Variants in RHBDD1 observed in about 807,000 individuals in gnomAD.
RHBDD1 encodes rhomboid-related protein 4.
RHBDD1 carries 38 observed loss-of-function variants against 36.3 expected under a neutral mutation model. The observed-to-expected ratio is 1.05, with a 90% confidence interval of 0.81 to 1.37. RHBDD1 has a LOEUF of 1.37. Ranked by LOEUF, RHBDD1 falls within the 40% of genes most tolerant of loss-of-function variation. The pLI is 0.00. For missense variants in RHBDD1, 393 were observed against 377.6 expected, an observed-to-expected ratio of 1.04 and a Z score of -0.34; for synonymous variants, 151 against 136.5, an observed-to-expected ratio of 1.11 and a Z score of -0.74.
At chr2:226,988,288 C>A in intron 8 of RHBDD1, 1 of 1,533,118 alleles carries the variant, frequency 6.5e-7, no homozygotes, top group Non-Finnish European at 8.8e-7. Flanking sequence ...TAAGTCTCTT[C>A]CCCTGTCCTT....
chr2:226,857,850 A>G (rs935775308), intron 3 of RHBDD1, among the ~76,000 whole-genome samples: 1 of 152,254 alleles, frequency 6.6e-6, no homozygotes, highest in Admixed American at 6.5e-5. Context: ...CTAGAATTAG[A>G]TATGCACAAC....
At chr2:226,874,799 C>G (rs1043860664) in intron 5 of RHBDD1, among the ~76,000 whole-genome samples, 2 of 152,146 alleles carry the variant, frequency 1.3e-5, no homozygotes, top group African/African-American at 4.8e-5. Flanking sequence ...ATTATTCAGC[C>G]TACTACAGCA....
At chr2:226,848,355 G>C (rs781701479) in intron 3 of RHBDD1, among the ~76,000 whole-genome samples, 1 of 152,220 alleles carries the variant, frequency 6.6e-6, no homozygotes, top group African/African-American at 2.4e-5. Flanking sequence ...AAGTCACCAG[G>C]TACCTTTCTT....
At chr2:226,992,534 T>G (rs58139334) in intron 8 of RHBDD1, among the ~76,000 whole-genome samples, 5,267 of 152,252 alleles carry the variant, frequency 0.035, 292 homozygotes, top group African/African-American at 0.12. Flanking sequence ...ACCCAAGGTC[T>G]TCTTGGTTCT....
rs925907070 is a variant in RHBDD1 at position 226,995,098 on chromosome 2, TA to T, written c.857-322del. Among the ~76,000 whole-genome samples, 181 of 139,146 alleles carry T rather than the reference TA, an allele frequency of 1.3e-3. 1 individual carries two copies. Among genetic ancestry groups the T allele is most frequent in the East Asian group, 0.011 (54 of 4,868 alleles). The allele number at this position is 139,146 out of a possible 152,430, so 91.3% of individuals were successfully genotyped here. On this transcript the variant is annotated intron_variant, in intron 8 of 8. Transcript: ENST00000392062. ...GGTGGCAACAAGTTATATATGGGCA[TA>T]AAAAAAAAAAGACAATAAGCCCTTG...
the RHBDD1 span, among the ~76,000 whole-genome samples, chr2:226,806,886 C>G: frequency 1.3e-5 from 2 of 152,226 alleles, no homozygotes; most frequent in South Asian, 4.1e-4. Context: ...ATGATCATCT[C>G]TAGATCCTTG....
At chr2:226,856,599 T>A (rs1943349143) in intron 3 of RHBDD1, among the ~76,000 whole-genome samples, 1 of 152,184 alleles carries the variant, frequency 6.6e-6, no homozygotes, top group South Asian at 2.1e-4. Context: ...ATAAGATTCC[T>A]GAGAGAGTTA....
In RHBDD1 at chr2:226,995,580, C is replaced by A; in HGVS notation, c.*58C>A. 1 of 1,134,518 alleles carries A rather than the reference C, an allele frequency of 8.8e-7. No homozygotes were observed. The highest frequency in any genetic ancestry group is 1.3e-6 in the Non-Finnish European group (1 of 759,048). 70.3% of individuals were successfully genotyped at this position (1,134,518 alleles called of 1,614,324 possible). ...GTAATTATTGCCCATTTGGCTCATT[C>A]CCCAAGCCCCTAATTCATTTTAATT... On this transcript the variant is annotated 3_prime_UTR_variant, in exon 9 of 9. Coordinates refer to ENST00000392062, the MANE Select transcript of RHBDD1 (RefSeq NM_001167608.3).
intron 8 of RHBDD1, among the ~76,000 whole-genome samples, chr2:226,930,942 C>G (rs1949995993): frequency 6.6e-6 from 1 of 151,908 alleles, no homozygotes; most frequent in Non-Finnish European, 1.5e-5. Context: ...ATATGAGATA[C>G]TACCTTACCC....
intron 8 of RHBDD1, among the ~76,000 whole-genome samples, chr2:226,916,631 T>A (rs773403388): frequency 2.6e-5 from 4 of 152,194 alleles, no homozygotes; most frequent in Non-Finnish European, 5.9e-5. Flanking sequence ...GATTATTATC[T>A]TCTGTTAAGA....
chr2:226,886,294 C>G (rs779291211), intron 5 of RHBDD1, among the ~76,000 whole-genome samples: 43 of 152,132 alleles, frequency 2.8e-4, no homozygotes, highest in Non-Finnish European at 5.1e-4. Flanking sequence ...ATGAAGCCAG[C>G]GTTTGGGGTG....
At chr2:226,904,264 C>T (rs188618116) in intron 5 of RHBDD1, among the ~76,000 whole-genome samples, 12 of 152,300 alleles carry the variant, frequency 7.9e-5, no homozygotes, top group Admixed American at 7.8e-4. Flanking sequence ...CGCAGATACA[C>T]ACCCCTGGAC....
chr2:226,813,872 G>A, the RHBDD1 span, among the ~76,000 whole-genome samples: 7 of 152,152 alleles, frequency 4.6e-5, no homozygotes, highest in Admixed American at 4.6e-4. Flanking sequence ...CATAGCATAT[G>A]GTGGTGGGGA....
intron 3 of RHBDD1, among the ~76,000 whole-genome samples, chr2:226,856,070 C>T (rs1176993191): frequency 6.6e-6 from 1 of 152,158 alleles, no homozygotes; most frequent in African/African-American, 2.4e-5. Flanking sequence ...AGATTCCACA[C>T]TATACCCCCA....
intron 8 of RHBDD1, among the ~76,000 whole-genome samples, chr2:226,960,709 A>T (rs887829265): frequency 1.3e-5 from 2 of 152,166 alleles, no homozygotes; most frequent in Admixed American, 1.3e-4. Flanking sequence ...ATAAGCTGTA[A>T]TATTGACATC....
intron 5 of RHBDD1, among the ~76,000 whole-genome samples, chr2:226,877,103 C>A (rs1945300059): frequency 6.6e-6 from 1 of 152,102 alleles, no homozygotes; most frequent in Admixed American, 6.5e-5. Context: ...TCGTGGATAT[C>A]CCTCTTTGCA....
chr2:226,875,053 G>T (rs979230758), intron 5 of RHBDD1, among the ~76,000 whole-genome samples: 1 of 152,098 alleles, frequency 6.6e-6, no homozygotes, highest in Non-Finnish European at 1.5e-5. Flanking sequence ...TTTATCTACC[G>T]TAAGCCCTTC....
At chr2:226,983,726 A>G (rs1956296108) in intron 8 of RHBDD1, among the ~76,000 whole-genome samples, 1 of 152,162 alleles carries the variant, frequency 6.6e-6, no homozygotes, top group African/African-American at 2.4e-5. Flanking sequence ...TCTGAGGGAA[A>G]TGTTGGCTAA....
chr2:226,982,425 A>G (rs936044093), intron 8 of RHBDD1, among the ~76,000 whole-genome samples: 1 of 152,238 alleles, frequency 6.6e-6, no homozygotes, highest in Non-Finnish European at 1.5e-5. Flanking sequence ...ACCTGTAGTT[A>G]TATACTAATC....
Sources: allele counts gnomAD v4.1 joint callset (sites outside exome capture counted in the v4.1 genomes callset), GRCh38; gene constraint gnomAD v4.1.1; transcripts MANE v1.5; gene names NCBI Gene and HGNC (gene_info 2026-07-23, HGNC 2026-07-21).